The following AATF variants were observed in gnomAD, a reference collection of about 807,000 sequenced individuals.
AATF encodes the protein protein AATF.
Under a neutral mutation model 63.7 loss-of-function variants are expected in AATF, and 48 were observed. That is an observed-to-expected ratio of 0.75 (90% CI 0.60 to 0.96). The LOEUF is 0.96. Among genes scored for constraint, AATF ranks in the 40% least tolerant of loss-of-function variants. The pLI is 0.00. For synonymous variants in AATF, 258 were observed against 247.7 expected (o/e 1.04, Z -0.39); for missense variants, 639 against 685.7 (o/e 0.93, Z 0.76).
chr17:37,003,448 G>A (rs939491587), intron 8 of AATF, among the ~76,000 whole-genome samples: 4 of 147,166 alleles, frequency 2.7e-5, no homozygotes, highest in African/African-American at 1.0e-4. Flanking sequence ...CAATGTGGAA[G>A]TCATTGGTGA....
At chr17:37,031,551 G>T (rs1179096958) in intron 10 of AATF, 63 bp from the exon 11 acceptor site, 2 of 1,304,248 alleles carry the variant, frequency 1.5e-6, no homozygotes, top group East Asian at 4.6e-5. Context: ...CTCACTGAAT[G>T]TGTTTCCTCT....
chr17:36,952,309 C>CAT (rs1408088742), intron 2 of AATF, among the ~76,000 whole-genome samples: 1 of 152,228 alleles, frequency 6.6e-6, no homozygotes, highest in Non-Finnish European at 1.5e-5. Flanking sequence ...TATTGGCATG[C>CAT]ATATCTACCA....
At chr17:36,980,007 T>G (rs1387548897) in intron 4 of AATF, among the ~76,000 whole-genome samples, 3 of 152,214 alleles carry the variant, frequency 2.0e-5, no homozygotes, top group Non-Finnish European at 1.5e-5. Flanking sequence ...TTTTACCATG[T>G]GAAATATGAT....
intron 11 of AATF, among the ~76,000 whole-genome samples, chr17:37,045,269 C>T (rs2071679641): frequency 6.6e-6 from 1 of 152,194 alleles, no homozygotes; most frequent in Non-Finnish European, 1.5e-5. Flanking sequence ...TTCTTTGACC[C>T]CCTGGGCACC....
At chr17:36,993,315 C>A (rs921978821) in intron 8 of AATF, among the ~76,000 whole-genome samples, 4 of 152,108 alleles carry the variant, frequency 2.6e-5, no homozygotes, top group African/African-American at 7.2e-5. Context: ...CCTCCCCCTC[C>A]CAAATATGCT....
intron 8 of AATF, chr17:36,999,317 T>A (rs779426599): frequency 6.6e-6 from 1 of 152,230 alleles, no homozygotes; most frequent in Non-Finnish European, 1.5e-5. Context: ...TTTGAGTATC[T>A]ACTGTGTATT....
chr17:36,967,551 T>C (rs1034110344), intron 4 of AATF, among the ~76,000 whole-genome samples: 1 of 152,194 alleles, frequency 6.6e-6, no homozygotes, highest in Non-Finnish European at 1.5e-5. Context: ...CCTTCTCAGG[T>C]GTCCAGCTGT....
chr17:36,990,881 T>C, intron 8 of AATF, 24 bp downstream of exon 8: 4 of 1,491,330 alleles, frequency 2.7e-6, no homozygotes, highest in Non-Finnish European at 2.7e-6. Flanking sequence ...ACTCTCTTGT[T>C]ACAAATCATG....
intron 4 of AATF, among the ~76,000 whole-genome samples, chr17:36,960,518 A>C (rs2070938691): frequency 6.6e-6 from 1 of 152,186 alleles, no homozygotes; most frequent in Non-Finnish European, 1.5e-5. Context: ...ATAATCCTGT[A>C]CCCCTGCCGC....
At chr17:36,994,871 C>T (rs997755360) in intron 8 of AATF, among the ~76,000 whole-genome samples, 1 of 152,130 alleles carries the variant, frequency 6.6e-6, no homozygotes, top group African/African-American at 2.4e-5. Flanking sequence ...GCGTGCCAGT[C>T]CCTGGACTAA....
At chr17:36,996,417 G>A (rs2071255534) in intron 8 of AATF, among the ~76,000 whole-genome samples, 1 of 152,158 alleles carries the variant, frequency 6.6e-6, no homozygotes, top group Non-Finnish European at 1.5e-5. Context: ...CTGGGCGACA[G>A]AGAATAAATA....
chr17:36,953,653 C>A, intron 3 of AATF, 117 bp from the exon 4 acceptor site: 1 of 966,334 alleles, frequency 1.0e-6, no homozygotes, highest in Non-Finnish European at 1.6e-6. Flanking sequence ...TGGCATTAAA[C>A]TGCTAAAGCT....
chr17:37,024,864 C>T (rs945481539), intron 10 of AATF, among the ~76,000 whole-genome samples: 8 of 151,922 alleles, frequency 5.3e-5, no homozygotes, highest in African/African-American at 1.9e-4. Flanking sequence ...GAGGCTGAGG[C>T]GGGAGAATCG....
At chr17:37,003,032 T>C (rs1299654109) in intron 8 of AATF, among the ~76,000 whole-genome samples, 1 of 151,860 alleles carries the variant, frequency 6.6e-6, no homozygotes, top group Non-Finnish European at 1.5e-5. Context: ...CATTCACACT[T>C]TCCAGTTTCA....
chr17:36,986,551 T>C (rs1010061273), intron 4 of AATF, 66 bp from the exon 5 acceptor site: 49 of 1,334,996 alleles, frequency 3.7e-5, no homozygotes, highest in Non-Finnish European at 4.9e-5. Context: ...TCATGAGTTA[T>C]AGGCATCACC....
At chr17:37,023,393 A>G (rs1567987611) in intron 10 of AATF, among the ~76,000 whole-genome samples, 1 of 152,214 alleles carries the variant, frequency 6.6e-6, no homozygotes, top group Non-Finnish European at 1.5e-5. Context: ...ACTGTTCATT[A>G]CAGGTATGTG....
At chr17:36,955,000 ATCTC>A (rs2070888009) in intron 4 of AATF, among the ~76,000 whole-genome samples, 2 of 151,920 alleles carry the variant, frequency 1.3e-5, no homozygotes, top group African/African-American at 2.4e-5. Context: ...TTATGTATCT[ATCTC>A]TCTATATATA....
intron 2 of AATF, among the ~76,000 whole-genome samples, chr17:36,951,250 C>A (rs961446360): frequency 6.6e-6 from 1 of 152,168 alleles, no homozygotes; most frequent in East Asian, 1.9e-4. Context: ...GTTATGATAT[C>A]TATGATTTAG....
In AATF at chr17:37,048,668, G is replaced by C. The variant is rs116329619; in HGVS notation, c.1620-7933G>C. Among the ~76,000 whole-genome samples the C allele has an allele frequency of 4.7e-3, 711 of 152,270 alleles. 1 individual carries two copies. Among genetic ancestry groups the C allele is most frequent in the African/African-American group, 0.016 (669 of 41,548 alleles). ...TTACAGGTGTGAGCCACTGCGCCCA[G>C]CCTTGAGGAGCTAAGTTCTAATGCA... On this transcript the variant is annotated intron_variant, in intron 11 of 11. Transcript: ENST00000619387.
Sources: allele counts gnomAD v4.1 joint callset (sites outside exome capture counted in the v4.1 genomes callset), GRCh38; gene constraint gnomAD v4.1.1; transcripts MANE v1.5; gene names NCBI Gene and HGNC (gene_info 2026-07-23, HGNC 2026-07-21).